SLC5A4: variants seen among roughly 807,000 people sequenced by gnomAD.
The protein encoded by SLC5A4 is solute carrier family 5 member 4.
Under a neutral mutation model 70.3 loss-of-function variants are expected in SLC5A4, and 55 were observed. The observed-to-expected ratio is 0.78, with a 90% CI of 0.63 to 0.98. The LOEUF (loss-of-function observed/expected upper bound fraction) is 0.98, where lower values mean the gene tolerates loss of function less well. SLC5A4 is among the 50% of genes least tolerant of loss of function. The pLI is 0.00. For synonymous variants in SLC5A4, 268 were observed against 305.7 expected, an observed-to-expected ratio of 0.88 and a Z score of 1.29; for missense variants, 735 against 839.2, an observed-to-expected ratio of 0.88 and a Z score of 1.53.
intron 1 of SLC5A4, 102 bp from the exon 2 acceptor site, chr22:32,254,315 C>T: frequency 1.3e-6 from 1 of 766,892 alleles, no homozygotes; most frequent in Non-Finnish European, 2.3e-6. Context: ...TTCAGCACTC[C>T]TACAGAGAGA....
chr22:32,321,489 G>A, the SLC5A4 span, among the ~76,000 whole-genome samples: 2 of 152,202 alleles, frequency 1.3e-5, no homozygotes, highest in Non-Finnish European at 1.5e-5. Context: ...AGGGGTACAC[G>A]TGCAGGACGT....
At chr22:32,333,931 TAG>T in the SLC5A4 span, among the ~76,000 whole-genome samples, 7 of 85,426 alleles carry the variant, frequency 8.2e-5, no homozygotes, top group African/African-American at 2.4e-4. Flanking sequence ...AACATACACA[TAG>T]ACACACGTCA....
the SLC5A4 span, among the ~76,000 whole-genome samples, chr22:32,312,830 A>T: frequency 1.3e-5 from 2 of 152,128 alleles, no homozygotes; most frequent in African/African-American, 4.8e-5. Context: ...TCTGGAGGAA[A>T]TACAAGGAAA....
chr22:32,223,412 G>C (rs1925202306), intron 13 of SLC5A4, among the ~76,000 whole-genome samples: 1 of 152,144 alleles, frequency 6.6e-6, no homozygotes. Flanking sequence ...AACAGTTTTG[G>C]ACTGTGGGAA....
At position 32,238,116 on chromosome 22, in the gene SLC5A4, A is replaced by T. The variant is rs952465946; in HGVS notation, c.584-792T>A. Among the ~76,000 whole-genome samples, 8 of 152,020 alleles carry T rather than the reference A, an allele frequency of 5.3e-5. 1 individual carries two copies. The South Asian group carries it at 1.7e-3, about 32-fold the overall frequency. ...TTATCATGAAGACTGTCTCCTAGCA[A>T]CAGCCAGTACCACCAATGAACAAAC... is the stretch of plus-strand genomic sequence containing the variant. On this transcript the variant is annotated intron_variant, in intron 6 of 14. Coordinates refer to ENST00000266086, the MANE Select transcript of SLC5A4 (RefSeq NM_014227.3).
the SLC5A4 span, chr22:32,272,540 T>G: frequency 0.67 from 439,670 of 656,858 alleles, 148,518 homozygotes; most frequent in East Asian, 0.84. Context: ...CCTCGTCATG[T>G]GATGCCAAGA....
intron 5 of SLC5A4, among the ~76,000 whole-genome samples, chr22:32,239,848 C>A (rs915437352): frequency 1.3e-5 from 2 of 148,668 alleles, no homozygotes; most frequent in African/African-American, 4.9e-5. Context: ...CACAGTGAAA[C>A]CCCGTCTCTA....
chr22:32,245,104 C>A (rs945774443), intron 5 of SLC5A4, among the ~76,000 whole-genome samples: 1 of 152,076 alleles, frequency 6.6e-6, no homozygotes, highest in Non-Finnish European at 1.5e-5. Flanking sequence ...AACCAGTGAA[C>A]AAGATGATCT....
At chr22:32,270,493 G>A in the SLC5A4 span, 14 of 768,962 alleles carry the variant, frequency 1.8e-5, no homozygotes, top group Non-Finnish European at 2.5e-5. Flanking sequence ...CAGCACCCCC[G>A]AAGCGGACAA....
chr22:32,259,804 C>A (rs964868282), upstream of SLC5A4, among the ~76,000 whole-genome samples: 7 of 152,132 alleles, frequency 4.6e-5, no homozygotes, highest in Non-Finnish European at 7.3e-5. Context: ...GTACCATTCA[C>A]CAGTGAGTCA....
intron 7 of SLC5A4, among the ~76,000 whole-genome samples, chr22:32,235,984 T>C (rs1259008450): frequency 1.3e-5 from 2 of 152,030 alleles, no homozygotes; most frequent in Non-Finnish European, 2.9e-5. Flanking sequence ...GCAACAAAAA[T>C]ACATAGGAGA....
chr22:32,347,191 A>G, the SLC5A4 span, among the ~76,000 whole-genome samples: 68 of 152,342 alleles, frequency 4.5e-4, no homozygotes, highest in East Asian at 0.012. Flanking sequence ...CGATCATTAA[A>G]AAGTCAGGAA....
At chr22:32,237,179 G>T in intron 7 of SLC5A4, 65 bp downstream of exon 7, 1 of 1,131,178 alleles carries the variant, frequency 8.8e-7, no homozygotes, top group Non-Finnish European at 1.3e-6. Context: ...AGAGCAGACA[G>T]ACCGAACAGA....
the SLC5A4 span, among the ~76,000 whole-genome samples, chr22:32,315,102 T>TACC: frequency 7.9e-5 from 12 of 152,338 alleles, no homozygotes; most frequent in African/African-American, 2.9e-4. Context: ...ATGTGCATTC[T>TACC]ACCACAATTC....
the SLC5A4 span, among the ~76,000 whole-genome samples, chr22:32,274,528 G>A: frequency 6.6e-6 from 1 of 151,852 alleles, no homozygotes; most frequent in South Asian, 2.1e-4. Flanking sequence ...AAACAATCTC[G>A]AGTATGAAAA....
the SLC5A4 span, among the ~76,000 whole-genome samples, chr22:32,265,585 G>C: frequency 6.6e-6 from 1 of 152,020 alleles, no homozygotes; most frequent in Non-Finnish European, 1.5e-5. Flanking sequence ...CCAAAATGTA[G>C]GCCACACACT....
the SLC5A4 span, among the ~76,000 whole-genome samples, chr22:32,288,204 C>T: frequency 6.6e-6 from 1 of 152,104 alleles, no homozygotes; most frequent in Non-Finnish European, 1.5e-5. Flanking sequence ...GTGAGGTTTT[C>T]TCTCTTGAGA....
intron 5 of SLC5A4, among the ~76,000 whole-genome samples, chr22:32,240,684 C>T (rs1246912782): frequency 6.6e-6 from 1 of 152,126 alleles, no homozygotes; most frequent in East Asian, 1.9e-4. Context: ...GAATTCACCC[C>T]TACCCTTCTC....
At chr22:32,353,177 C>T in the SLC5A4 span, among the ~76,000 whole-genome samples, 1 of 152,190 alleles carries the variant, frequency 6.6e-6, no homozygotes, top group South Asian at 2.1e-4. Context: ...GGAGTGGGGA[C>T]TGGAGACACC....
Sources: allele counts gnomAD v4.1 joint callset (sites outside exome capture counted in the v4.1 genomes callset), GRCh38; gene constraint gnomAD v4.1.1; transcripts MANE v1.5; gene names NCBI Gene and HGNC (gene_info 2026-07-23, HGNC 2026-07-21).